The following SUMF1 variants were observed in gnomAD, a reference collection of about 807,000 sequenced individuals.
SUMF1 encodes sulfatase modifying factor 1, also known as formylglycine-generating enzyme.
A neutral mutation model predicts 47.6 loss-of-function variants in SUMF1; 48 were observed. That is an observed-to-expected ratio of 1.01 (90% CI 0.80 to 1.28). The LOEUF (loss-of-function observed/expected upper bound fraction) is 1.28. Ranked by LOEUF, SUMF1 falls within the 50% of genes most tolerant of loss-of-function variation. The probability of loss-of-function intolerance (pLI) is 0.00; values close to 1 mark genes in which losing one functional copy is unlikely to be tolerated. For missense variants in SUMF1, 571 were observed against 485.4 expected, an observed-to-expected ratio of 1.18 and a Z score of -1.66; for synonymous variants, 230 against 192.1, an observed-to-expected ratio of 1.20 and a Z score of -1.63.
chr3:4,096,032 G>A (rs1463886900), intron 8 of SUMF1, among the ~76,000 whole-genome samples: 4 of 152,004 alleles, frequency 2.6e-5, no homozygotes, highest in Non-Finnish European at 5.9e-5. Context: ...GTGGTCACAG[G>A]GAAAAGAGAA....
intron 8 of SUMF1, among the ~76,000 whole-genome samples, chr3:4,343,526 A>G (rs1045206959): frequency 6.6e-6 from 1 of 152,270 alleles, no homozygotes; most frequent in East Asian, 1.9e-4. Flanking sequence ...CACAGAAAGC[A>G]GAGAATGCTC....
chr3:4,464,958 A>G (rs911054595), intron 1 of SUMF1, among the ~76,000 whole-genome samples: 2 of 152,248 alleles, frequency 1.3e-5, no homozygotes, highest in African/African-American at 4.8e-5. Context: ...AAACCACTCT[A>G]TAGGGATGAA....
intron 8 of SUMF1, among the ~76,000 whole-genome samples, chr3:4,336,122 T>A (rs895097957): frequency 2.6e-5 from 4 of 152,056 alleles, no homozygotes; most frequent in African/African-American, 7.2e-5. Flanking sequence ...GATTCAAGGT[T>A]GATTTGGCCA....
chr3:4,126,042 T>C (rs1693648434), intron 8 of SUMF1, among the ~76,000 whole-genome samples: 1 of 151,884 alleles, frequency 6.6e-6, no homozygotes, highest in Non-Finnish European at 1.5e-5. Context: ...AAACTATCCC[T>C]AGAACTGCAT....
At chr3:4,262,413 G>A (rs1228215498) in intron 8 of SUMF1, among the ~76,000 whole-genome samples, 5 of 152,060 alleles carry the variant, frequency 3.3e-5, no homozygotes, top group African/African-American at 4.8e-5. Context: ...ATTTCTCTAT[G>A]TGCCAAAGTG....
At chr3:4,101,483 T>C (rs187242787) in intron 8 of SUMF1, among the ~76,000 whole-genome samples, 2 of 152,158 alleles carry the variant, frequency 1.3e-5, no homozygotes. Context: ...GGTTACCAGA[T>C]CTGGGGGTGG....
chr3:4,174,460 T>C (rs1470176439), intron 8 of SUMF1, among the ~76,000 whole-genome samples: 3 of 151,774 alleles, frequency 2.0e-5, no homozygotes, highest in Non-Finnish European at 4.4e-5. Context: ...GGATAACACT[T>C]TGGGAGGCCA....
downstream of SUMF1, among the ~76,000 whole-genome samples, chr3:4,360,967 T>C (rs1486009682): frequency 6.6e-6 from 1 of 152,248 alleles, no homozygotes. Context: ...ATAGGGTTAC[T>C]GGTGGAATAG....
intron 8 of SUMF1, among the ~76,000 whole-genome samples, chr3:4,201,290 C>A (rs777329422): frequency 6.6e-6 from 1 of 152,082 alleles, no homozygotes; most frequent in Non-Finnish European, 1.5e-5. Flanking sequence ...AACCCCCACA[C>A]ACTACCCTTC....
At chr3:4,277,895 A>G (rs6791739) in intron 8 of SUMF1, among the ~76,000 whole-genome samples, 63,621 of 151,868 alleles carry the variant, frequency 0.42, 13,725 homozygotes, top group African/African-American at 0.47. Context: ...TGACGTGGTA[A>G]TCTAATCATC....
At chr3:4,134,834 C>CTA (rs1693884772) in intron 8 of SUMF1, among the ~76,000 whole-genome samples, 1 of 152,230 alleles carries the variant, frequency 6.6e-6, no homozygotes, top group East Asian at 1.9e-4. Flanking sequence ...TCAGAGAATA[C>CTA]TATAAACACC....
intron 8 of SUMF1, among the ~76,000 whole-genome samples, chr3:4,190,830 G>C (rs148570235): frequency 7.9e-5 from 12 of 152,198 alleles, no homozygotes; most frequent in African/African-American, 2.9e-4. Flanking sequence ...GACCACAGAT[G>C]GGTATTCATT....
At chr3:4,190,234 G>A (rs1695286208) in intron 8 of SUMF1, among the ~76,000 whole-genome samples, 1 of 151,184 alleles carries the variant, frequency 6.6e-6, no homozygotes, top group Non-Finnish European at 1.5e-5. Context: ...TAACACAGGA[G>A]CAGCTGGACG....
At chr3:4,402,606 T>C (rs1395882252) in intron 7 of SUMF1, among the ~76,000 whole-genome samples, 1 of 152,136 alleles carries the variant, frequency 6.6e-6, no homozygotes, top group African/African-American at 2.4e-5. Flanking sequence ...TCATACTATA[T>C]CAATGACTTT....
At chr3:4,459,846 T>A (rs936444229) in intron 1 of SUMF1, among the ~76,000 whole-genome samples, 1 of 152,192 alleles carries the variant, frequency 6.6e-6, no homozygotes, top group Non-Finnish European at 1.5e-5. Flanking sequence ...TTCCATTCAA[T>A]AATTCATTCA....
intron 6 of SUMF1, among the ~76,000 whole-genome samples, chr3:4,411,767 A>C (rs1354773198): frequency 6.6e-6 from 1 of 151,896 alleles, no homozygotes; most frequent in Non-Finnish European, 1.5e-5. Context: ...TTGCTGGCTT[A>C]ATGGCTTAAC....
chr3:4,336,989 C>T (rs188211694), intron 8 of SUMF1, among the ~76,000 whole-genome samples: 1 of 152,182 alleles, frequency 6.6e-6, no homozygotes, highest in Non-Finnish European at 1.5e-5. Context: ...GCTGATCCCA[C>T]GAATTCCAAC....
At chr3:4,152,174 T>C (rs563643142) in intron 8 of SUMF1, among the ~76,000 whole-genome samples, 4 of 151,564 alleles carry the variant, frequency 2.6e-5, no homozygotes, top group Non-Finnish European at 5.9e-5. Context: ...CTGGAAAAAT[T>C]TTAATGTTTG....
In SUMF1 at chr3:4,166,715, G is replaced by T. The variant is rs576352773; in HGVS notation, c.1015-97970C>A. Among the ~76,000 whole-genome samples the T allele has an allele frequency of 2.0e-5, 3 of 152,254 alleles. No individual in the cohort carries two copies. The South Asian group carries it at 6.2e-4, about 32-fold the overall frequency. Reference sequence around the variant, plus strand: ...ACAGATGGGCGAGTCTCACTTGGGTGATGTAACTTTAAGAGTTCCACTTAT... The same window carrying T: ...ACAGATGGGCGAGTCTCACTTGGGTTATGTAACTTTAAGAGTTCCACTTAT... On this transcript the variant is annotated intron_variant and NMD_transcript_variant, in intron 8 of 12. Coordinates refer to the SUMF1 transcript ENST00000448413.
Sources: allele counts gnomAD v4.1 joint callset (sites outside exome capture counted in the v4.1 genomes callset), GRCh38; gene constraint gnomAD v4.1.1; transcripts MANE v1.5; gene names NCBI Gene and HGNC (gene_info 2026-07-23, HGNC 2026-07-21).